Variants in BICC1 observed in about 807,000 individuals in gnomAD.
The protein encoded by BICC1 is protein bicaudal C homolog 1.
Under a neutral mutation model 111.0 loss-of-function variants are expected in BICC1, and 43 were observed. The observed-to-expected ratio is 0.39, with a 90% CI of 0.30 to 0.50. BICC1 has a LOEUF of 0.50. Ranked by LOEUF, BICC1 falls within the 20% of genes least tolerant of loss-of-function variation. The pLI, the probability that BICC1 is intolerant of heterozygous loss-of-function variation, is 0.88. For missense variants in BICC1, 1,091 were observed against 1,203.2 expected, an observed-to-expected ratio of 0.91 and a Z score of 1.38; for synonymous variants, 467 against 434.4, an observed-to-expected ratio of 1.07 and a Z score of -0.93.
intron 2 of BICC1, among the ~76,000 whole-genome samples, chr10:58,689,867 G>C (rs80058104): frequency 6.6e-6 from 1 of 152,146 alleles, no homozygotes; most frequent in African/African-American, 2.4e-5. Context: ...AGGTTTGGGT[G>C]GCTGAAGCAT....
At position 58,780,172 on chromosome 10, in the gene BICC1, G is replaced by A. The variant is rs1399083523; in HGVS notation, c.308-4829G>A. Among the ~76,000 whole-genome samples, 7 of 152,182 alleles carry A rather than the reference G, an allele frequency of 4.6e-5. No individual in the cohort carries two copies. In the South Asian group the frequency reaches 8.3e-4, roughly 18 times the overall value. ...TGAAACAAACGTGAAAGAGCTCCAC[G>A]CCAGGGGAAAGTAAATTCTGTCCAC... On this transcript the variant is annotated intron_variant, in intron 3 of 20. Coordinates refer to ENST00000373886, the MANE Select transcript of BICC1 (RefSeq NM_001080512.3).
At chr10:58,740,851 G>A (rs1036157878) in intron 3 of BICC1, among the ~76,000 whole-genome samples, 2 of 152,200 alleles carry the variant, frequency 1.3e-5, no homozygotes, top group African/African-American at 2.4e-5. Flanking sequence ...GACCAAAGGC[G>A]TGACACGTGA....
At chr10:58,780,848 A>G (rs1053246888) in intron 3 of BICC1, among the ~76,000 whole-genome samples, 13 of 152,322 alleles carry the variant, frequency 8.5e-5, no homozygotes, top group African/African-American at 3.1e-4. Flanking sequence ...TAAATATTGA[A>G]ATACTTTATT....
intron 18 of BICC1, among the ~76,000 whole-genome samples, chr10:58,816,116 GA>G (rs201209287): frequency 4.0e-5 from 6 of 150,858 alleles, no homozygotes; most frequent in East Asian, 1.9e-4. Flanking sequence ...TTTTACTCTC[GA>G]AAAAAAAAGT....
intron 20 of BICC1, among the ~76,000 whole-genome samples, chr10:58,821,630 C>T (rs1844253309): frequency 1.3e-5 from 2 of 152,080 alleles, no homozygotes; most frequent in Non-Finnish European, 1.5e-5. Context: ...GTTCTACACT[C>T]ATCAGTTTTC....
chr10:58,522,630 A>G (rs574525809), intron 1 of BICC1, among the ~76,000 whole-genome samples: 4 of 152,196 alleles, frequency 2.6e-5, no homozygotes, highest in Non-Finnish European at 5.9e-5. Flanking sequence ...ATACCCTAAC[A>G]TCACAATTAA....
At chr10:58,699,008 G>C (rs1001759927) in intron 2 of BICC1, among the ~76,000 whole-genome samples, 7 of 152,232 alleles carry the variant, frequency 4.6e-5, no homozygotes, top group African/African-American at 1.7e-4. Flanking sequence ...CTTCATGAAT[G>C]ATCCAAAGAG....
chr10:58,807,274 G>T, intron 17 of BICC1, 116 bp downstream of exon 17: 2 of 940,746 alleles, frequency 2.1e-6, no homozygotes, highest in Non-Finnish European at 3.1e-6. Flanking sequence ...GTGGTGACTT[G>T]TTTTTATTTC....
chr10:58,635,151 GT>G (rs1444962507), intron 2 of BICC1, among the ~76,000 whole-genome samples: 1 of 152,132 alleles, frequency 6.6e-6, no homozygotes, highest in Admixed American at 6.5e-5. Context: ...CTCTTAGAGG[GT>G]ATACTGTGAG....
In BICC1 at chr10:58,828,827, G is replaced by A; in HGVS notation, c.2861G>A (p.Gly954Glu). ...PNARTSFLEGGASGRLPRQYH... is the reference protein window; with the variant it reads ...PNARTSFLEGEASGRLPRQYH... The stretch of plus-strand genomic sequence containing the variant: ...GCACGCACCTCTTTCCTGGAAGGTG[G>A]AGCGAGTGGAAGGCTACCCCGTCAG... Residue 954 changes from glycine (G) to glutamate (E), a missense_variant, in exon 21 of 21, where the codon GGA becomes GAA. By Grantham distance (98) the Gly-to-Glu change is moderately conservative. Around this residue, in one of 3 missense-constraint regions of BICC1, gnomAD observed 231 missense variants for 256.2 expected, o/e 0.90. Transcript: ENST00000373886. 2 of 1,613,954 alleles carry A rather than the reference G, an allele frequency of 1.2e-6. No individual in the cohort carries two copies. The highest frequency in any genetic ancestry group is 1.3e-5 in the African/African-American group (1 of 75,018).
chr10:58,807,913 CAG>C (rs1468100550), intron 17 of BICC1, among the ~76,000 whole-genome samples: 2 of 152,138 alleles, frequency 1.3e-5, no homozygotes, highest in African/African-American at 2.4e-5. Flanking sequence ...CCAGGAGTCA[CAG>C]TGTTCAACCA....
At chr10:58,555,300 T>C (rs200564573) in intron 1 of BICC1, among the ~76,000 whole-genome samples, 1 of 140,776 alleles carries the variant, frequency 7.1e-6, no homozygotes, top group Non-Finnish European at 1.5e-5. Context: ...ATAGAGGCTG[T>C]TGGACATTTT....
chr10:58,599,547 G>A (rs1010605085), intron 1 of BICC1, among the ~76,000 whole-genome samples: 3 of 152,190 alleles, frequency 2.0e-5, no homozygotes, highest in African/African-American at 4.8e-5. Context: ...AATACCTAAT[G>A]TAGGTGATGG....
Position 58,583,584 on chromosome 10 carries a change from C to CTGTGTGTGTG in BICC1, c.191-37237_191-37228dup, listed in dbSNP as rs3076149. Among the ~76,000 whole-genome samples the CTGTGTGTGTG allele has an allele frequency of 2.9e-5, 4 of 139,438 alleles. No homozygotes were observed. The South Asian group carries it at 1.0e-3, about 35-fold the overall frequency. 91.5% of individuals were successfully genotyped at this position (139,438 alleles called of 152,430 possible). A position where few individuals can be genotyped will look rare whatever the true frequency, so the allele number is the denominator to read the frequency against. On this transcript the variant is annotated intron_variant, in intron 1 of 20. Coordinates refer to ENST00000373886, the MANE Select transcript of BICC1 (RefSeq NM_001080512.3). ...TATGGCTGAGTAGTATTCTCTCTCT[C>CTGTGTGTGTG]TGTGTGTGTGTGTGTGTGTGTGTGT...
At chr10:58,591,832 T>A (rs1488475582) in intron 1 of BICC1, among the ~76,000 whole-genome samples, 1 of 152,228 alleles carries the variant, frequency 6.6e-6, no homozygotes, top group Non-Finnish European at 1.5e-5. Context: ...CTACGGATGG[T>A]TGAATGAATG....
chr10:58,800,777 G>T (rs976352784), intron 13 of BICC1, 113 bp from the exon 14 acceptor site: 2 of 1,074,352 alleles, frequency 1.9e-6, no homozygotes, highest in African/African-American at 3.2e-5. Context: ...GTCTCTGTCA[G>T]GTTAATCATG....
At chr10:58,524,951 A>C (rs890818697) in intron 1 of BICC1, among the ~76,000 whole-genome samples, 3 of 152,096 alleles carry the variant, frequency 2.0e-5, no homozygotes, top group Non-Finnish European at 4.4e-5. Flanking sequence ...GCCAACAGAC[A>C]CATGAAAAAA....
At chr10:58,828,062 C>T (rs1160255954) in intron 20 of BICC1, among the ~76,000 whole-genome samples, 3 of 152,138 alleles carry the variant, frequency 2.0e-5, no homozygotes, top group Admixed American at 1.3e-4. Flanking sequence ...ATATAACATA[C>T]AGAACATGTG....
rs558969040 is a variant in BICC1, at chr10:58,688,224, G to A, written c.238-13850G>A. On this transcript the variant is annotated intron_variant, in intron 2 of 20. Coordinates refer to ENST00000373886, the MANE Select transcript of BICC1 (RefSeq NM_001080512.3). ...CAAGTGGGTTGCCGCTGCTGGCTCG[G>A]GTGGCCAGCTTTAATTCCCTTATTT... is the stretch of plus-strand genomic sequence containing the variant. Among the ~76,000 whole-genome samples, 5 of 152,164 alleles carry A rather than the reference G, an allele frequency of 3.3e-5. No individual in the cohort carries two copies. The South Asian group carries it at 8.3e-4, about 25-fold the overall frequency.
Sources: allele counts gnomAD v4.1 joint callset (sites outside exome capture counted in the v4.1 genomes callset), GRCh38; gene constraint gnomAD v4.1.1; regional missense constraint gnomAD v4.1.1; transcripts MANE v1.5; gene names NCBI Gene and HGNC (gene_info 2026-07-23, HGNC 2026-07-21).